Variants in GRAMD4 observed in about 807,000 individuals in gnomAD.
The protein encoded by GRAMD4 is GRAM domain-containing protein 4.
Under a neutral mutation model 83.9 loss-of-function variants are expected in GRAMD4, and 25 were observed. The observed-to-expected ratio is 0.30, with a 90% CI of 0.22 to 0.42. The LOEUF is 0.42. Among genes scored for constraint, GRAMD4 ranks in the 10% least tolerant of loss-of-function variants. The pLI, the probability that GRAMD4 is intolerant of heterozygous loss-of-function variation, is 1.00. For missense variants in GRAMD4, 593 were observed against 788.7 expected (o/e 0.75, Z 2.97); for synonymous variants, 336 against 320.9 (o/e 1.05, Z -0.50).
intron 1 of GRAMD4, among the ~76,000 whole-genome samples, chr22:46,602,178 G>T (rs564611746): frequency 6.6e-6 from 1 of 152,204 alleles, no homozygotes; most frequent in South Asian, 2.1e-4. Flanking sequence ...CGATGCTGCC[G>T]GGAGACGGCC....
intron 13 of GRAMD4, among the ~76,000 whole-genome samples, 180 bp downstream of exon 13, chr22:46,669,088 G>A (rs995799795): frequency 3.3e-5 from 5 of 152,136 alleles, no homozygotes; most frequent in South Asian, 2.1e-4. Context: ...CGAGGGACAC[G>A]GTGATTGTTT....
chr22:46,666,679 G>A (rs1440889926), intron 9 of GRAMD4, 146 bp from the exon 10 acceptor site: 4 of 686,584 alleles, frequency 5.8e-6, no homozygotes, highest in African/African-American at 3.6e-5. Flanking sequence ...GGGTTCCGGA[G>A]GGACCTTTTC....
chr22:46,607,702 C>A (rs2081379224), intron 1 of GRAMD4, among the ~76,000 whole-genome samples: 1 of 152,232 alleles, frequency 6.6e-6, no homozygotes, highest in African/African-American at 2.4e-5. Context: ...CCACTTCAGG[C>A]CTCTTCCAAC....
chr22:46,673,025 G>C lies in GRAMD4; in HGVS notation c.1239+28G>C, dbSNP rs549560569. Reference sequence around the variant, plus strand: ...GAGCCCGGCCCCCAGCTGCGGGGATGGGGGGATGGGGGGCCACGAAGCCGG... The same window carrying C: ...GAGCCCGGCCCCCAGCTGCGGGGATCGGGGGATGGGGGGCCACGAAGCCGG... On this transcript the variant is annotated intron_variant, in intron 14 of 18. Coordinates refer to ENST00000406902, the MANE Select transcript of GRAMD4 (RefSeq NM_015124.5). The C allele has an allele frequency of 6.6e-5, 100 of 1,512,170 alleles. No individual in the cohort carries two copies. In the African/African-American group the frequency reaches 1.2e-3, roughly 18 times the overall value. 93.7% of individuals were successfully genotyped at this position (1,512,170 alleles called of 1,614,324 possible). A position where few individuals can be genotyped will look rare whatever the true frequency, so the allele number is the denominator to read the frequency against.
intron 3 of GRAMD4, among the ~76,000 whole-genome samples, chr22:46,641,826 T>C (rs990862344): frequency 3.9e-5 from 6 of 152,238 alleles, no homozygotes; most frequent in Non-Finnish European, 4.4e-5. Flanking sequence ...CTCTCTCCAT[T>C]TGTTAGCCGA....
intron 1 of GRAMD4, among the ~76,000 whole-genome samples, chr22:46,601,862 C>T (rs550064779): frequency 2.6e-5 from 4 of 152,258 alleles, no homozygotes; most frequent in African/African-American, 4.8e-5. Context: ...TTCAGGATTC[C>T]GAACTCACCA....
intron 1 of GRAMD4, among the ~76,000 whole-genome samples, chr22:46,613,311 C>T (rs369004514): frequency 1.3e-5 from 2 of 152,250 alleles, no homozygotes; most frequent in African/African-American, 2.4e-5. Context: ...CGACCCACTG[C>T]ATGCCTGTGC....
At chr22:46,579,649 C>T (rs1332832390) in intron 1 of GRAMD4, among the ~76,000 whole-genome samples, 2 of 152,162 alleles carry the variant, frequency 1.3e-5, no homozygotes, top group East Asian at 1.9e-4. Flanking sequence ...TTGTGCCATC[C>T]GTGTGCCCCC....
rs1210312622 is a variant in GRAMD4, at chr22:46,622,206, G to A, written c.-50+1641G>A. On this transcript the variant is annotated intron_variant, in intron 1 of 18. Coordinates refer to ENST00000406902, the MANE Select transcript of GRAMD4 (RefSeq NM_015124.5). This position sits in a 1 kb window ranked among gnomAD's most constrained non-coding sequence, Gnocchi z 4.0. ...CTGGCCTCGGAATTACAGCCTCCCA[G>A]ACAAGGGGGCTGTCCTCTGCCCAGA... is the stretch of plus-strand genomic sequence containing the variant. Among the ~76,000 whole-genome samples the A allele has an allele frequency of 6.6e-6, 1 of 152,168 alleles. No individual in the cohort carries two copies. Among genetic ancestry groups the A allele is most frequent in the African/African-American group, 2.4e-5 (1 of 41,444 alleles).
intron 2 of GRAMD4, among the ~76,000 whole-genome samples, chr22:46,628,981 G>A (rs539160369): frequency 6.6e-6 from 1 of 152,214 alleles, no homozygotes; most frequent in African/African-American, 2.4e-5. Flanking sequence ...GGGGCTTGAG[G>A]GGGCATGTTG....
chr22:46,606,564 C>T lies in GRAMD4; in HGVS notation c.-49-20187C>T, dbSNP rs112980423. Reference sequence around the variant, plus strand: ...CGGTGCTGAGCATGTCTGCATGGGCCTATGGCCGGTGCTGAGCATCTCTGC... The same window carrying T: ...CGGTGCTGAGCATGTCTGCATGGGCTTATGGCCGGTGCTGAGCATCTCTGC... On this transcript the variant is annotated intron_variant, in intron 1 of 1. Transcript: ENST00000431155. Among the ~76,000 whole-genome samples, 126 of 13,764 alleles carry T rather than the reference C, an allele frequency of 9.2e-3. 13 individuals are homozygous for T. Among genetic ancestry groups the T allele is most frequent in the Admixed American group, 0.02 (14 of 698 alleles). 9.0% of individuals were successfully genotyped at this position (13,764 alleles called of 152,430 possible). A position where few individuals can be genotyped will look rare whatever the true frequency, so the allele number is the denominator to read the frequency against.
At chr22:46,617,799 A>G (rs1307532850), upstream of GRAMD4, among the ~76,000 whole-genome samples, 1 of 152,124 alleles carries the variant, frequency 6.6e-6, no homozygotes, top group African/African-American at 2.4e-5. Flanking sequence ...TCCCTGTCAC[A>G]GTGCAGAAGG....
At position 46,579,388 on chromosome 22, in the gene GRAMD4, A is replaced by T. The variant is rs536430615; in HGVS notation, c.-50+2098A>T. ...TCAGAGCCGGTTTTCCTGAATCACC[A>T]TTTCTGCTGTAGAATAGAATAGAAT... On this transcript the variant is annotated intron_variant, in intron 1 of 1. Coordinates refer to the GRAMD4 transcript ENST00000431155. 2.4e-3 allele frequency among the ~76,000 whole-genome samples: 370 copies of T among 152,306 alleles called. 3 individuals carry two copies. The highest frequency in any genetic ancestry group is 8.5e-3 in the African/African-American group (355 of 41,562).
downstream of GRAMD4, among the ~76,000 whole-genome samples, chr22:46,680,138 T>G (rs1252108656): frequency 6.6e-6 from 1 of 152,178 alleles, no homozygotes; most frequent in Non-Finnish European, 1.5e-5. Context: ...AGGCAGTGCC[T>G]TGGGGTCAGG....
At chr22:46,580,019 C>T (rs762238412) in intron 1 of GRAMD4, among the ~76,000 whole-genome samples, 8 of 152,194 alleles carry the variant, frequency 5.3e-5, no homozygotes, top group Non-Finnish European at 1.2e-4. Context: ...CTGCCTCCTC[C>T]CCTGCAAGGC....
At chr22:46,649,568 G>T (rs563890349) in intron 3 of GRAMD4, among the ~76,000 whole-genome samples, 1 of 152,346 alleles carries the variant, frequency 6.6e-6, no homozygotes, top group Non-Finnish European at 1.5e-5. Flanking sequence ...CTTAGATCCT[G>T]CATTGGTGTC....
In GRAMD4 at chr22:46,665,621, A is replaced by G. The variant is rs759097439; in HGVS notation, c.724A>G (p.Met242Val). The G allele has an allele frequency of 2.5e-6, 4 of 1,582,662 alleles. No homozygotes were observed. Among genetic ancestry groups the G allele is most frequent in the East Asian group, 2.2e-5 (1 of 44,712 alleles). Residue 242 changes from methionine (M) to valine (V), a missense_variant, in exon 9 of 19, where the codon ATG becomes GTG. By Grantham distance (21) the Met-to-Val change is conservative. Around this residue, in one of 4 missense-constraint regions of GRAMD4, gnomAD observed 312 missense variants for 350.7 expected, o/e 0.89. Coordinates refer to ENST00000406902, the MANE Select transcript of GRAMD4 (RefSeq NM_015124.5). ...CCCTGTCTCTCACCCGCAGGTGTAC[A>G]TGAATGCCGTGTGGCATGGCTGGGC... Reference protein sequence around the residue: ...YTSAIAFTVYMNAVWHGWAIP... With the variant: ...YTSAIAFTVYVNAVWHGWAIP...
In GRAMD4 at chr22:46,648,651, G is replaced by A. The variant is rs576155874; in HGVS notation, c.284-9536G>A. 4.6e-5 allele frequency among the ~76,000 whole-genome samples: 7 copies of A among 152,012 alleles called. No homozygotes were observed. In the East Asian group the frequency reaches 7.7e-4, roughly 17 times the overall value. ...TGGATGCATCAATGAGAAGGCAAAC[G>A]AATGGGTAGATTTGGTAATGGGTGG... On this transcript the variant is annotated intron_variant, in intron 3 of 18. Coordinates refer to ENST00000406902, the MANE Select transcript of GRAMD4 (RefSeq NM_015124.5).
At chr22:46,668,955 G>T in intron 13 of GRAMD4, 47 bp downstream of exon 13, 4 of 1,067,510 alleles carry the variant, frequency 3.7e-6, no homozygotes, top group Non-Finnish European at 5.8e-6. Flanking sequence ...GAGGGACACA[G>T]GTGTCCGCAT....
Sources: allele counts gnomAD v4.1 joint callset (sites outside exome capture counted in the v4.1 genomes callset), GRCh38; gene constraint gnomAD v4.1.1; regional missense constraint gnomAD v4.1.1; non-coding constraint Gnocchi (gnomAD v3.1); transcripts MANE v1.5; gene names NCBI Gene and HGNC (gene_info 2026-07-23, HGNC 2026-07-21).